RNF220: variants seen among roughly 807,000 people sequenced by gnomAD.
The protein encoded by RNF220 is ring finger protein 220.
Under a neutral mutation model 67.1 loss-of-function variants are expected in RNF220, and 7 were observed. The ratio of observed to expected loss-of-function variants is 0.10; its 90% CI spans 0.06 to 0.20. The LOEUF (loss-of-function observed/expected upper bound fraction) is 0.20, where lower values mean the gene tolerates loss of function less well. RNF220 is among the 10% of genes least tolerant of loss of function. The pLI is 1.00. For missense variants in RNF220, 565 were observed against 740.3 expected, an observed-to-expected ratio of 0.76 and a Z score of 2.75; for synonymous variants, 270 against 283.2, an observed-to-expected ratio of 0.95 and a Z score of 0.47.
At chr1:44,627,965 A>G (rs1186137998) in intron 5 of RNF220, among the ~76,000 whole-genome samples, 2 of 152,248 alleles carry the variant, frequency 1.3e-5, no homozygotes, top group Non-Finnish European at 2.9e-5. Flanking sequence ...CTCAAACTGC[A>G]TAGCCCAAAG....
intron 2 of RNF220, among the ~76,000 whole-genome samples, chr1:44,422,260 G>A (rs1649306128): frequency 6.6e-6 from 1 of 152,180 alleles, no homozygotes; most frequent in African/African-American, 2.4e-5. Context: ...AAGGGCAGTG[G>A]CGCATGCTCG....
Position 44,641,578 on chromosome 1 carries a change from G to C in RNF220, c.1127-3120G>C, listed in dbSNP as rs574692132. On this transcript the variant is annotated intron_variant, in intron 8 of 14. Coordinates refer to ENST00000361799, the MANE Select transcript of RNF220 (RefSeq NM_018150.4). ...TGGAGCCTTCCTCTCCAAGCGGGAG[G>C]GGGGGCAAGCTGGCGGGGGCGCTGT... is the stretch of plus-strand genomic sequence containing the variant. Among the ~76,000 whole-genome samples the C allele has an allele frequency of 3.5e-4, 53 of 152,326 alleles. 2 individuals are homozygous for C. The highest frequency in any genetic ancestry group is 6.8e-3 in the Middle Eastern group (2 of 294).
chr1:44,531,188 G>A (rs1161494115), intron 2 of RNF220, among the ~76,000 whole-genome samples: 1 of 152,128 alleles, frequency 6.6e-6, no homozygotes, highest in South Asian at 2.1e-4. Flanking sequence ...CTTGCTTCCT[G>A]TAATCCTCAA....
At chr1:44,557,097 G>A (rs964510796) in intron 2 of RNF220, among the ~76,000 whole-genome samples, 1 of 147,318 alleles carries the variant, frequency 6.8e-6, no homozygotes, top group Non-Finnish European at 1.5e-5. Flanking sequence ...ATATATATGT[G>A]TATATATGTA....
At chr1:44,509,799 A>G (rs1658793593) in intron 2 of RNF220, among the ~76,000 whole-genome samples, 1 of 138,796 alleles carries the variant, frequency 7.2e-6, no homozygotes, top group Non-Finnish European at 1.5e-5. Context: ...AGGCACGAGA[A>G]TTGCTTGAAC....
chr1:44,467,073 A>G (rs4660278), intron 2 of RNF220, among the ~76,000 whole-genome samples: 62,014 of 152,118 alleles, frequency 0.41, 13,304 homozygotes, highest in African/African-American at 0.53. Flanking sequence ...CACCTTCTTC[A>G]ATTATCTTAG....
chr1:44,564,656 G>C (rs947397351), intron 2 of RNF220, among the ~76,000 whole-genome samples: 4 of 150,718 alleles, frequency 2.7e-5, no homozygotes, highest in Non-Finnish European at 5.9e-5. Context: ...GGGAGGCTGA[G>C]ACAGGAGAGT....
At chr1:44,494,352 C>T (rs898731466) in intron 2 of RNF220, among the ~76,000 whole-genome samples, 3 of 151,718 alleles carry the variant, frequency 2.0e-5, no homozygotes, top group African/African-American at 2.4e-5. Context: ...GATGTACAAG[C>T]GAGAAAAAGA....
chr1:44,626,570 C>T (rs1643945867), intron 5 of RNF220, 172 bp downstream of exon 5: 1 of 608,664 alleles, frequency 1.6e-6, no homozygotes, highest in African/African-American at 1.8e-5. Context: ...GCATACGTGT[C>T]AGGGAATAGG....
chr1:44,465,953 G>A (rs1654236329), intron 2 of RNF220, among the ~76,000 whole-genome samples: 4 of 151,978 alleles, frequency 2.6e-5, no homozygotes, highest in Admixed American at 1.3e-4. Context: ...CGTAGCTGTG[G>A]CAATTTCTTA....
In RNF220 at chr1:44,476,115, G is replaced by A. The variant is rs953350121; in HGVS notation, c.625+63393G>A. Reference sequence around the variant, plus strand: ...CAAAACTAAGCAATATATTGCTTAAGAACATATATATATATTTGGTAAGCT... The same window carrying A: ...CAAAACTAAGCAATATATTGCTTAAAAACATATATATATATTTGGTAAGCT... On this transcript the variant is annotated intron_variant, in intron 2 of 14. Transcript: ENST00000361799. Among the ~76,000 whole-genome samples the A allele has an allele frequency of 3.3e-5, 5 of 151,952 alleles. No individual in the cohort carries two copies. The South Asian group carries it at 8.3e-4, about 25-fold the overall frequency.
chr1:44,443,068 T>C (rs1651727261), intron 2 of RNF220, among the ~76,000 whole-genome samples: 1 of 152,220 alleles, frequency 6.6e-6, no homozygotes, highest in Admixed American at 6.5e-5. Context: ...GACCTAGATA[T>C]TGAATCATTA....
chr1:44,454,435 T>C (rs1652975042), intron 2 of RNF220, among the ~76,000 whole-genome samples: 1 of 152,202 alleles, frequency 6.6e-6, no homozygotes, highest in Non-Finnish European at 1.5e-5. Context: ...CATTACAATT[T>C]TTAGATTTTC....
intron 2 of RNF220, among the ~76,000 whole-genome samples, chr1:44,520,770 G>C (rs1009776072): frequency 2.6e-5 from 4 of 152,188 alleles, no homozygotes; most frequent in African/African-American, 9.7e-5. Flanking sequence ...ACTCCTTGAA[G>C]GCTAAGACTG....
Position 44,405,367 on chromosome 1 carries a change from C to A in RNF220, c.-281C>A, listed in dbSNP as rs1011315907. On this transcript the variant is annotated 5_prime_UTR_variant, in exon 1 of 15. Coordinates refer to ENST00000361799, the MANE Select transcript of RNF220 (RefSeq NM_018150.4). ...GCAGCTCGCGAACACAAACCCGGGGCCAGCCGCCTACTGCTGCTGCTGCTG... is the reference window on the plus strand; with the variant it reads ...GCAGCTCGCGAACACAAACCCGGGGACAGCCGCCTACTGCTGCTGCTGCTG... 1 of 591,512 alleles carries A rather than the reference C, an allele frequency of 1.7e-6. No individual in the cohort carries two copies. Among genetic ancestry groups the A allele is most frequent in the Non-Finnish European group, 3.0e-6 (1 of 330,422 alleles). 36.6% of individuals were successfully genotyped at this position (591,512 alleles called of 1,614,324 possible).
Position 44,474,881 on chromosome 1 carries a change from G to A in RNF220, c.625+62159G>A, listed in dbSNP as rs541603252. Among the ~76,000 whole-genome samples the A allele has an allele frequency of 6.6e-5, 10 of 152,258 alleles. No individual in the cohort carries two copies. In the South Asian group the frequency reaches 2.1e-3, roughly 32 times the overall value. On this transcript the variant is annotated intron_variant, in intron 2 of 14. Transcript: ENST00000361799. ...AAATACTATGCCACCTTATATAAGG[G>A]AATTGAGCATCCAAGTGTTTTGGTG... is the stretch of plus-strand genomic sequence containing the variant.
chr1:44,565,636 A>C lies in RNF220; in HGVS notation c.626-48529A>C, dbSNP rs958032939. 1.3e-5 allele frequency among the ~76,000 whole-genome samples: 2 copies of C among 152,200 alleles called. No homozygotes were observed. The highest frequency in any genetic ancestry group is 4.8e-5 in the African/African-American group (2 of 41,458). ...CCCGCAGCTGGGGAGGGTGGGGGTC[A>C]TGGCTGGAAATCCAATCAGGAGTTC... On this transcript the variant is annotated intron_variant, in intron 2 of 14. Transcript: ENST00000361799. This position sits in a 1 kb window ranked among gnomAD's most constrained non-coding sequence, Gnocchi z 4.2.
At position 44,412,864 on chromosome 1, in the gene RNF220, C is replaced by G. The variant is rs1648114831; in HGVS notation, c.625+142C>G. 2 of 945,114 alleles carry G rather than the reference C, an allele frequency of 2.1e-6. No homozygotes were observed. The highest frequency in any genetic ancestry group is 4.9e-5 in the East Asian group (2 of 41,102). The allele number at this position is 945,114 out of a possible 1,614,324, so 58.5% of individuals were successfully genotyped here. Reference sequence around the variant, plus strand: ...CTTTCACTAGCTGTGGAGTGCTAACCTTTGCTTGTCTCTTATCAGTGAGCA... The same window carrying G: ...CTTTCACTAGCTGTGGAGTGCTAACGTTTGCTTGTCTCTTATCAGTGAGCA... On this transcript the variant is annotated intron_variant, in intron 2 of 14. Coordinates refer to ENST00000361799, the MANE Select transcript of RNF220 (RefSeq NM_018150.4). This position sits in a 1 kb window ranked among gnomAD's most constrained non-coding sequence, Gnocchi z 5.3.
At chr1:44,551,161 C>T (rs1410237655) in intron 2 of RNF220, among the ~76,000 whole-genome samples, 1 of 129,526 alleles carries the variant, frequency 7.7e-6, no homozygotes, top group African/African-American at 2.8e-5. Flanking sequence ...GTCGCCCAGG[C>T]TGGAGTGCAA....
Sources: allele counts gnomAD v4.1 joint callset (sites outside exome capture counted in the v4.1 genomes callset), GRCh38; gene constraint gnomAD v4.1.1; non-coding constraint Gnocchi (gnomAD v3.1); transcripts MANE v1.5; gene names NCBI Gene and HGNC (gene_info 2026-07-23, HGNC 2026-07-21).